The following MRRF variants were observed in gnomAD, a reference collection of about 807,000 sequenced individuals.
The protein encoded by MRRF is mitochondrial ribosome recycling factor.
A neutral mutation model predicts 25.1 loss-of-function variants in MRRF; 18 were observed. That is an observed-to-expected ratio of 0.72 (90% CI 0.50 to 1.06). The LOEUF (loss-of-function observed/expected upper bound fraction) is 1.06, where lower values mean the gene tolerates loss of function less well. MRRF is among the 50% of genes least tolerant of loss of function. The pLI, the probability that MRRF is intolerant of heterozygous loss-of-function variation, is 0.00. For synonymous variants in MRRF, 113 were observed against 112.1 expected, an observed-to-expected ratio of 1.01 and a Z score of -0.05; for missense variants, 323 against 319.3, an observed-to-expected ratio of 1.01 and a Z score of -0.09.
intron 2 of MRRF, among the ~76,000 whole-genome samples, chr9:122,271,914 C>A (rs1832486279): frequency 6.6e-6 from 1 of 152,124 alleles, no homozygotes; most frequent in Non-Finnish European, 1.5e-5. Context: ...TTCCCACTGA[C>A]TTTCCTTTTC....
In MRRF at chr9:122,322,701, C is replaced by T. The variant is rs1264040078; in HGVS notation, c.*84C>T. On this transcript the variant is annotated 3_prime_UTR_variant, in exon 7 of 7. Transcript: ENST00000344641. ...CACATTGGGACTTCTCTCCCTCCCC[C>T]ATCTACACAGAAGACTGTCACCATG... The T allele has an allele frequency of 8.3e-7, 1 of 1,200,316 alleles. No individual in the cohort carries two copies. 74.4% of individuals were successfully genotyped at this position (1,200,316 alleles called of 1,614,324 possible).
intron 1 of MRRF, among the ~76,000 whole-genome samples, chr9:122,270,200 GGTA>G (rs1832362828): frequency 6.6e-6 from 1 of 152,244 alleles, no homozygotes; most frequent in East Asian, 1.9e-4. Context: ...TCTATCCTGA[GGTA>G]GTTGTAGGCG....
intron 5 of MRRF, among the ~76,000 whole-genome samples, chr9:122,293,130 G>A (rs1230564385): frequency 6.6e-6 from 1 of 152,070 alleles, no homozygotes; most frequent in Non-Finnish European, 1.5e-5. Context: ...AAGGGGATAG[G>A]GAGATTTGGG....
chr9:122,322,492 C>T (rs779945547), intron 6 of MRRF, 48 bp from the exon 7 acceptor site: 2 of 1,527,592 alleles, frequency 1.3e-6, no homozygotes, highest in South Asian at 1.1e-5. Context: ...ATCCCCCTAC[C>T]CTTTTCCAGC....
chr9:122,280,273 G>A (rs1380689167), intron 2 of MRRF, among the ~76,000 whole-genome samples, 170 bp from the exon 3 acceptor site: 1 of 152,176 alleles, frequency 6.6e-6, no homozygotes, highest in African/African-American at 2.4e-5. Context: ...AAGGTGTTTA[G>A]CACAGTTGAC....
intron 2 of MRRF, among the ~76,000 whole-genome samples, chr9:122,275,425 G>C (rs1167744364): frequency 6.6e-6 from 1 of 152,060 alleles, no homozygotes; most frequent in Non-Finnish European, 1.5e-5. Flanking sequence ...TTGAGCCCAG[G>C]AGTTCAAGAT....
rs763046886 is a variant in MRRF at position 122,285,197 on chromosome 9, T to C, written c.369T>C (p.Thr123=). 4 of 1,613,770 alleles carry C rather than the reference T, an allele frequency of 2.5e-6. No homozygotes were observed. The South Asian group carries it at 3.3e-5, about 13-fold the overall frequency. ...CCCTTGACAAGATTGCTGTGGTAAC[T>C]GCTGACGGGAAGCTTGCTTTAAACC... The part of the protein sequence containing the change: ...PGSLDKIAVV[T]ADGKLALNQI... Residue 123 remains threonine (T), a synonymous_variant, in exon 4 of 7, where the codon ACT becomes ACC. Coordinates refer to ENST00000344641, the MANE Select transcript of MRRF (RefSeq NM_138777.5).
At chr9:122,283,545 A>G (rs1284700898) in intron 3 of MRRF, among the ~76,000 whole-genome samples, 1 of 152,242 alleles carries the variant, frequency 6.6e-6, no homozygotes, top group Admixed American at 6.5e-5. Flanking sequence ...GACTTTTACC[A>G]TTATACCTCC....
chr9:122,301,072 T>C (rs1834420505), intron 5 of MRRF, among the ~76,000 whole-genome samples: 1 of 152,106 alleles, frequency 6.6e-6, no homozygotes, highest in Non-Finnish European at 1.5e-5. Context: ...TGATAGACTT[T>C]ATGGCTAGAC....
chr9:122,311,497 C>T (rs149456578), intron 5 of MRRF, among the ~76,000 whole-genome samples: 6 of 152,294 alleles, frequency 3.9e-5, no homozygotes, highest in African/African-American at 1.4e-4. Context: ...GTGGTAATGT[C>T]ACATTTGCAT....
chr9:122,306,475 T>TG (rs1834854112), intron 5 of MRRF, among the ~76,000 whole-genome samples: 1 of 152,184 alleles, frequency 6.6e-6, no homozygotes, highest in Non-Finnish European at 1.5e-5. Context: ...GTGAAATAAC[T>TG]TGCCCAGGGC....
chr9:122,297,756 G>A (rs186847496), intron 5 of MRRF, among the ~76,000 whole-genome samples: 1 of 152,270 alleles, frequency 6.6e-6, no homozygotes, highest in East Asian at 1.9e-4. Flanking sequence ...TTGATTGAGT[G>A]CTTGTTTGCA....
At chr9:122,269,179 AT>A (rs1322018562) in intron 1 of MRRF, among the ~76,000 whole-genome samples, 19 of 150,320 alleles carry the variant, frequency 1.3e-4, no homozygotes, top group African/African-American at 1.2e-4. Flanking sequence ...AAAAAAAAAA[AT>A]AATAATAATA....
chr9:122,296,173 A>C (rs957449280), intron 5 of MRRF, among the ~76,000 whole-genome samples: 4 of 152,022 alleles, frequency 2.6e-5, no homozygotes, highest in African/African-American at 7.2e-5. Context: ...TCCTCAGGTA[A>C]ATAACCATTG....
chr9:122,319,543 T>G (rs1409661260), intron 6 of MRRF, among the ~76,000 whole-genome samples: 1 of 152,110 alleles, frequency 6.6e-6, no homozygotes, highest in African/African-American at 2.4e-5. Context: ...CTATGTGAGG[T>G]TGTTGGATTT....
intron 4 of MRRF, among the ~76,000 whole-genome samples, chr9:122,290,097 C>G (rs1833671178): frequency 6.6e-6 from 1 of 151,912 alleles, no homozygotes; most frequent in Non-Finnish European, 1.5e-5. Context: ...AAATCAAATC[C>G]TTAATGTTAT....
At chr9:122,275,778 G>A (rs757889567) in intron 2 of MRRF, among the ~76,000 whole-genome samples, 2 of 152,098 alleles carry the variant, frequency 1.3e-5, no homozygotes, top group Non-Finnish European at 2.9e-5. Context: ...GTTTTTTAAG[G>A]TTGAATAATA....
At chr9:122,272,011 G>A (rs1274713024) in intron 2 of MRRF, among the ~76,000 whole-genome samples, 2 of 152,140 alleles carry the variant, frequency 1.3e-5, no homozygotes, top group African/African-American at 4.8e-5. Flanking sequence ...GTTATATTCT[G>A]TTAATAGTGT....
At chr9:122,316,142 C>T (rs984156570) in intron 6 of MRRF, among the ~76,000 whole-genome samples, 10 of 152,128 alleles carry the variant, frequency 6.6e-5, no homozygotes, top group South Asian at 2.1e-4. Context: ...TTATATGATA[C>T]GATATATCAC....
Sources: allele counts gnomAD v4.1 joint callset (sites outside exome capture counted in the v4.1 genomes callset), GRCh38; gene constraint gnomAD v4.1.1; transcripts MANE v1.5; gene names NCBI Gene and HGNC (gene_info 2026-07-23, HGNC 2026-07-21).